MAFG: variants seen among roughly 807,000 people sequenced by gnomAD.
MAFG encodes transcription factor MafG.
Under a neutral mutation model 12.2 loss-of-function variants are expected in MAFG, and 3 were observed. The observed-to-expected ratio is 0.25, with a 90% CI of 0.11 to 0.64. The LOEUF (loss-of-function observed/expected upper bound fraction) is 0.64. Among genes scored for constraint, MAFG ranks in the 30% least tolerant of loss-of-function variants. The probability of loss-of-function intolerance (pLI) is 0.85; values close to 1 mark genes in which losing one functional copy is unlikely to be tolerated. For synonymous variants in MAFG, 126 were observed against 109.1 expected (o/e 1.15, Z -0.96); for missense variants, 153 against 235.5 (o/e 0.65, Z 2.29).
chr17:81,927,134 C>G (rs1433755943), intron 1 of MAFG, among the ~76,000 whole-genome samples: 3 of 151,524 alleles, frequency 2.0e-5, no homozygotes, highest in Non-Finnish European at 4.4e-5. Flanking sequence ...GAATCAGCAG[C>G]TGCGGGCCGG....
Position 81,922,955 on chromosome 17 carries a change from C to T in MAFG, c.139G>A (p.Glu47Lys). The T allele has an allele frequency of 6.2e-7, 1 of 1,602,714 alleles. No individual in the cohort carries two copies. Among genetic ancestry groups the T allele is most frequent in the South Asian group, 1.1e-5 (1 of 89,350 alleles). ...CGCTGCTTCAGCTGGACGATCTCCT[C>T]CTTGGACAGGCCCCGCAGGTGCTGG... ...LNQHLRGLSK[E>K]EIVQLKQRRR... is the part of the protein sequence containing the mutation. The change falls in exon 3 of 3, where the codon GAG becomes AAG. Residue 47 changes from glutamate to lysine, a missense_variant. By Grantham distance (56) the Glu-to-Lys change is moderately conservative. Coordinates refer to ENST00000357736, the MANE Select transcript of MAFG (RefSeq NM_002359.4).
intron 1 of MAFG, 58 bp downstream of exon 1, chr17:81,927,470 C>CCGCCGCCCCCGCCG (rs1162087061): frequency 1.8e-4 from 26 of 147,322 alleles, no homozygotes; most frequent in East Asian, 4.0e-4. Flanking sequence ...CCCTCGGCCC[C>CCGCCGCCCCCGCCG]CGCCGCCCCC....
In MAFG at chr17:81,921,740, C is replaced by G. The variant is rs1296106000; in HGVS notation, c.*865G>C. 6.6e-6 allele frequency: 1 copy of G among 150,684 alleles called. No homozygotes were observed. Among genetic ancestry groups the G allele is most frequent in the Non-Finnish European group, 1.5e-5 (1 of 67,630 alleles). 9.3% of individuals were successfully genotyped at this position (150,684 alleles called of 1,614,324 possible). A position where few individuals can be genotyped will look rare whatever the true frequency, so the allele number is the denominator to read the frequency against. ...CAAAGTTTCTATTATACTTTCTTCC[C>G]TTTTCCATTCATATGGTCAAATGGT... On this transcript the variant is annotated 3_prime_UTR_variant, in exon 3 of 3. Transcript: ENST00000357736.
At position 81,922,463 on chromosome 17, in the gene MAFG, T is replaced by G; in HGVS notation, c.*142A>C. 1.6e-6 allele frequency: 1 copy of G among 622,984 alleles called. No homozygotes were observed. The highest frequency in any genetic ancestry group is 3.9e-5 in the Admixed American group (1 of 25,384). The allele number at this position is 622,984 out of a possible 1,614,324, so 38.6% of individuals were successfully genotyped here. A position where few individuals can be genotyped will look rare whatever the true frequency, so the allele number is the denominator to read the frequency against. On this transcript the variant is annotated 3_prime_UTR_variant, in exon 3 of 3. Transcript: ENST00000357736. ...GGGGCTCAGCCCGGCGCCCCTGGGG[T>G]ACAGGTTGTGCTTTGCAGGGAAGAG...
chr17:81,923,259 C>T lies in MAFG; in HGVS notation c.-29-45G>A, dbSNP rs546790700. The T allele has an allele frequency of 6.2e-5, 55 of 881,044 alleles. No homozygotes were observed. In the South Asian group the frequency reaches 7.9e-4, roughly 13 times the overall value. 54.6% of individuals were successfully genotyped at this position (881,044 alleles called of 1,614,324 possible). On this transcript the variant is annotated intron_variant, in intron 1 of 2. Coordinates refer to ENST00000357736, the MANE Select transcript of MAFG (RefSeq NM_002359.4). The stretch of plus-strand genomic sequence containing the variant: ...TCAGTACCCTGGAGACCACCCTCGC[C>T]GCACCCCCCCCCCCCCGCCCCCGGC...
upstream of MAFG, chr17:81,929,611 A>C (rs1383844222): frequency 6.6e-6 from 1 of 152,356 alleles, no homozygotes; most frequent in Non-Finnish European, 1.5e-5. This position sits in a 1 kb window ranked among gnomAD's most constrained non-coding sequence, Gnocchi z 5.7. Flanking sequence ...TGGTGCAGCC[A>C]TGCTTGGGCC....
chr17:81,927,851 TC>T (rs1401366136), upstream of MAFG: 1 of 152,088 alleles, frequency 6.6e-6, no homozygotes, highest in Non-Finnish European at 1.5e-5. Flanking sequence ...CGCGCCGTCG[TC>T]CCTGGCAACA....
chr17:81,922,653 G>A lies in MAFG; in HGVS notation c.441C>T (p.Ala147=). ...LGPLVPGKVA[A]TSVITIVKSK... is the part of the protein sequence containing the mutation. ...ACTTTACTATTGTGATGACGCTGGT[G>A]GCGGCCACCTTGCCTGGGACGAGGG... Residue 147 remains alanine (A), a synonymous_variant, in exon 3 of 3, where the codon GCC becomes GCT. Coordinates refer to ENST00000357736, the MANE Select transcript of MAFG (RefSeq NM_002359.4). 1.3e-6 allele frequency: 2 copies of A among 1,504,624 alleles called. No individual in the cohort carries two copies. Among genetic ancestry groups the A allele is most frequent in the East Asian group, 4.7e-5 (2 of 42,700 alleles). The allele number at this position is 1,504,624 out of a possible 1,614,324, so 93.2% of individuals were successfully genotyped here.
At chr17:81,931,021 G>C (rs2040981727), upstream of MAFG, among the ~76,000 whole-genome samples, 1 of 152,104 alleles carries the variant, frequency 6.6e-6, no homozygotes, top group Non-Finnish European at 1.5e-5. Context: ...TGGCTTCCTG[G>C]GTGTCCACCT....
chr17:81,921,719 G>A lies in MAFG; in HGVS notation c.*886C>T, dbSNP rs578252278. On this transcript the variant is annotated 3_prime_UTR_variant, in exon 3 of 3. Transcript: ENST00000357736. The stretch of plus-strand genomic sequence containing the variant: ...TTTTCTTTTTTTTTTAACTAGCAAA[G>A]TTTCTATTATACTTTCTTCCCTTTT... 323 of 150,388 alleles carry A rather than the reference G, an allele frequency of 2.1e-3. No individual in the cohort carries two copies. The highest frequency in any genetic ancestry group is 7.3e-3 in the African/African-American group (300 of 40,910). The allele number at this position is 150,388 out of a possible 1,614,324, so 9.3% of individuals were successfully genotyped here. A position where few individuals can be genotyped will look rare whatever the true frequency, so the allele number is the denominator to read the frequency against.
rs1245042504 is a variant in MAFG at position 81,926,638 on chromosome 17, T to C, written c.-30+890A>G. Among the ~76,000 whole-genome samples, 1 of 152,092 alleles carries C rather than the reference T, an allele frequency of 6.6e-6. No homozygotes were observed. Among genetic ancestry groups the C allele is most frequent in the East Asian group, 1.9e-4 (1 of 5,178 alleles). On this transcript the variant is annotated intron_variant, in intron 1 of 2. Coordinates refer to ENST00000357736, the MANE Select transcript of MAFG (RefSeq NM_002359.4). The surrounding 1 kb of genome is among the most constrained non-coding windows in gnomAD (Gnocchi z 4.6). ...CTCCCCTCCCTCACTCAGGGAACTA[T>C]TTCCCAGTTTGGAAAACTGCTCCAG...
Position 81,925,000 on chromosome 17 carries a change from C to T in MAFG, c.-29-1786G>A, listed in dbSNP as rs1458650346. ...TGAACTCAGCACAAGTGCAAGCCATCGCCTCCTATCAAAGGTGCGCCGGGG... is the reference window on the plus strand; with the variant it reads ...TGAACTCAGCACAAGTGCAAGCCATTGCCTCCTATCAAAGGTGCGCCGGGG... On this transcript the variant is annotated intron_variant, in intron 1 of 2. Coordinates refer to ENST00000357736, the MANE Select transcript of MAFG (RefSeq NM_002359.4). The surrounding 1 kb of genome is among the most constrained non-coding windows in gnomAD (Gnocchi z 4.7). 5.3e-5 allele frequency among the ~76,000 whole-genome samples: 8 copies of T among 152,224 alleles called. No individual in the cohort carries two copies. Among genetic ancestry groups the T allele is most frequent in the African/African-American group, 1.7e-4 (7 of 41,450 alleles).
upstream of MAFG, chr17:81,929,982 C>T (rs1364155785): frequency 6.8e-6 from 1 of 147,876 alleles, no homozygotes; most frequent in Non-Finnish European, 1.4e-5. This position sits in a 1 kb window ranked among gnomAD's most constrained non-coding sequence, Gnocchi z 5.7. Flanking sequence ...CCCCAGGCTG[C>T]ACCTTCTGTG....
At chr17:81,929,059 T>C (rs2040964702), upstream of MAFG, among the ~76,000 whole-genome samples, 1 of 152,198 alleles carries the variant, frequency 6.6e-6, no homozygotes, top group South Asian at 2.1e-4. The surrounding 1 kb of genome is among the most constrained non-coding windows in gnomAD (Gnocchi z 5.7). Flanking sequence ...TGATTGGCCC[T>C]GGGGCTGGCA....
chr17:81,925,067 G>C (rs551727205), intron 1 of MAFG, among the ~76,000 whole-genome samples: 3 of 152,226 alleles, frequency 2.0e-5, no homozygotes, highest in Non-Finnish European at 4.4e-5. Flanking sequence ...GTGCGTTCCA[G>C]GCTCCTGGCC....
chr17:81,924,255 G>A lies in MAFG; in HGVS notation c.-29-1041C>T, dbSNP rs1598347982. The A allele has an allele frequency of 6.6e-6, 1 of 152,278 alleles. No homozygotes were observed. Among genetic ancestry groups the A allele is most frequent in the African/African-American group, 2.4e-5 (1 of 41,458 alleles). The allele number at this position is 152,278 out of a possible 1,614,324, so 9.4% of individuals were successfully genotyped here. A position where few individuals can be genotyped will look rare whatever the true frequency, so the allele number is the denominator to read the frequency against. ...GCCAGGGAGCAAAAACAAAAGTGCT[G>A]GGGTGGCCGGACTTAACAACCAACT... On this transcript the variant is annotated intron_variant, in intron 1 of 2. Coordinates refer to ENST00000357736, the MANE Select transcript of MAFG (RefSeq NM_002359.4). This position sits in a 1 kb window ranked among gnomAD's most constrained non-coding sequence, Gnocchi z 4.7.
chr17:81,919,901 G>A lies in MAFG; in HGVS notation c.*2704C>T, dbSNP rs923579259. 2.6e-5 allele frequency: 4 copies of A among 152,082 alleles called. No homozygotes were observed. Among genetic ancestry groups the A allele is most frequent in the African/African-American group, 9.7e-5 (4 of 41,352 alleles). The allele number at this position is 152,082 out of a possible 1,614,324, so 9.4% of individuals were successfully genotyped here. On this transcript the variant is annotated 3_prime_UTR_variant, in exon 3 of 3. Coordinates refer to ENST00000357736, the MANE Select transcript of MAFG (RefSeq NM_002359.4). ...AAGGAGGTATGGCCTCGAAACTCCAGAAGCCTCTTCTGCCAACGCACCGAG... is the reference window on the plus strand; with the variant it reads ...AAGGAGGTATGGCCTCGAAACTCCAAAAGCCTCTTCTGCCAACGCACCGAG...
chr17:81,923,375 C>T (rs2040914044), intron 1 of MAFG, 161 bp from the exon 2 acceptor site: 1 of 534,744 alleles, frequency 1.9e-6, no homozygotes, highest in Non-Finnish European at 3.3e-6. Context: ...AGCCCTTGGC[C>T]TCTCCCAGGC....
Position 81,920,636 on chromosome 17 carries a change from G to A in MAFG, c.*1969C>T, listed in dbSNP as rs2040879814. 1 of 152,306 alleles carries A rather than the reference G, an allele frequency of 6.6e-6. No homozygotes were observed. The allele number at this position is 152,306 out of a possible 1,614,324, so 9.4% of individuals were successfully genotyped here. On this transcript the variant is annotated 3_prime_UTR_variant, in exon 3 of 3. Coordinates refer to ENST00000357736, the MANE Select transcript of MAFG (RefSeq NM_002359.4). ...GCGAGGAACTGAGAGCAGGAGGCAG[G>A]CTGCGCCCCCACAGGGAGGCACCTC...
Sources: allele counts gnomAD v4.1 joint callset (sites outside exome capture counted in the v4.1 genomes callset), GRCh38; gene constraint gnomAD v4.1.1; non-coding constraint Gnocchi (gnomAD v3.1); transcripts MANE v1.5; gene names NCBI Gene and HGNC (gene_info 2026-07-23, HGNC 2026-07-21).